SMYD3: variants seen among roughly 807,000 people sequenced by gnomAD.
The protein encoded by SMYD3 is histone-lysine N-methyltransferase SMYD3.
In SMYD3, 36 loss-of-function variants were observed where a neutral mutation model predicts 57.7. That is an observed-to-expected ratio of 0.62 (90% confidence interval 0.48 to 0.82). The LOEUF is 0.82. SMYD3 is among the 40% of genes least tolerant of loss of function. SMYD3 has a pLI of 0.00. For missense variants in SMYD3, 515 were observed against 538.8 expected, an observed-to-expected ratio of 0.96 and a Z score of 0.44; for synonymous variants, 211 against 195.0, an observed-to-expected ratio of 1.08 and a Z score of -0.68.
chr1:246,153,411 A>AGGAG (rs1234410532), intron 5 of SMYD3, among the ~76,000 whole-genome samples: 9 of 100,260 alleles, frequency 9.0e-5, no homozygotes, highest in Middle Eastern at 0.011. Context: ...GAGATAGGGA[A>AGGAG]GGAGGGAGGG....
intron 5 of SMYD3, among the ~76,000 whole-genome samples, chr1:246,270,961 C>T (rs2064208749): frequency 6.6e-6 from 1 of 152,200 alleles, no homozygotes; most frequent in South Asian, 2.1e-4. Context: ...AATTTCCCCA[C>T]ATCCTCCCCA....
At chr1:246,483,978 A>C in intron 1 of SMYD3, among the ~76,000 whole-genome samples, 1 of 150,822 alleles carries the variant, frequency 6.6e-6, no homozygotes, top group Non-Finnish European at 1.5e-5. Context: ...CTATTGTACT[A>C]GTTACACCTA....
intron 1 of SMYD3, among the ~76,000 whole-genome samples, chr1:246,399,623 G>A (rs2066735148): frequency 6.6e-6 from 1 of 152,136 alleles, no homozygotes; most frequent in Non-Finnish European, 1.5e-5. Flanking sequence ...GGGACTACAG[G>A]CGTGAGCTAC....
intron 10 of SMYD3, among the ~76,000 whole-genome samples, chr1:245,832,574 T>C (rs566725336): frequency 6.6e-6 from 1 of 152,250 alleles, no homozygotes; most frequent in Non-Finnish European, 1.5e-5. Flanking sequence ...AGCCTACATT[T>C]ATCTAGATGA....
intron 5 of SMYD3, among the ~76,000 whole-genome samples, chr1:246,234,122 C>T (rs1197696605): frequency 7.5e-6 from 1 of 133,766 alleles, no homozygotes. Context: ...GAGAAGCACT[C>T]CTTCAATCCA....
chr1:245,894,342 C>T (rs1254366493), intron 8 of SMYD3, among the ~76,000 whole-genome samples: 3 of 151,064 alleles, frequency 2.0e-5, no homozygotes, highest in East Asian at 2.0e-4. Flanking sequence ...GTAAAAGGAA[C>T]CAATCAGCAG....
chr1:246,245,898 A>G (rs2063696047), intron 5 of SMYD3, among the ~76,000 whole-genome samples: 1 of 152,228 alleles, frequency 6.6e-6, no homozygotes, highest in Non-Finnish European at 1.5e-5. Context: ...TTAATAAAAT[A>G]CAACCACAGA....
intron 5 of SMYD3, among the ~76,000 whole-genome samples, chr1:246,266,415 G>A (rs778435617): frequency 4.7e-5 from 7 of 148,458 alleles, no homozygotes; most frequent in Non-Finnish European, 7.4e-5. Context: ...TATTATTAGA[G>A]TATTAATATA....
In SMYD3 at chr1:246,063,793, C is replaced by T. The variant is rs573576253; in HGVS notation, c.532-133856G>A. On this transcript the variant is annotated intron_variant, in intron 5 of 11. Transcript: ENST00000490107. ...TAGCTGGGATTACAGGCGCATGCCA[C>T]CATGCCTGGCTAATTTTTGCATTTT... Among the ~76,000 whole-genome samples the T allele has an allele frequency of 3.3e-5, 5 of 152,144 alleles. No individual in the cohort carries two copies. The South Asian group carries it at 1.0e-3, about 32-fold the overall frequency.
intron 10 of SMYD3, among the ~76,000 whole-genome samples, chr1:245,820,573 G>A (rs1051786056): frequency 1.1e-4 from 17 of 150,424 alleles, no homozygotes; most frequent in Admixed American, 4.0e-4. Flanking sequence ...AGGAAATAAA[G>A]GGTATTCAAT....
intron 5 of SMYD3, among the ~76,000 whole-genome samples, chr1:245,998,001 C>T (rs2058966370): frequency 6.6e-6 from 1 of 152,168 alleles, no homozygotes; most frequent in Admixed American, 6.5e-5. Flanking sequence ...TGGACAATAA[C>T]ACAGTCTGTA....
At chr1:246,288,957 T>C (rs1338199363) in intron 5 of SMYD3, among the ~76,000 whole-genome samples, 1 of 151,918 alleles carries the variant, frequency 6.6e-6, no homozygotes, top group Non-Finnish European at 1.5e-5. Flanking sequence ...CTACTAAAAA[T>C]ACAAAAAATT....
intron 1 of SMYD3, among the ~76,000 whole-genome samples, chr1:246,481,607 TACACATACA>T (rs2068104788): frequency 3.2e-5 from 2 of 61,964 alleles, no homozygotes; most frequent in African/African-American, 9.8e-5. Flanking sequence ...TATATATATA[TACACATACA>T]TATATACATA....
intron 5 of SMYD3, among the ~76,000 whole-genome samples, chr1:246,065,587 C>T (rs1010221698): frequency 2.6e-5 from 4 of 152,214 alleles, no homozygotes; most frequent in African/African-American, 9.7e-5. Context: ...AACATGCAAT[C>T]CTCTTCGTTT....
At chr1:246,269,301 G>T (rs148627550) in intron 5 of SMYD3, among the ~76,000 whole-genome samples, 1 of 152,084 alleles carries the variant, frequency 6.6e-6, no homozygotes, top group Non-Finnish European at 1.5e-5. Flanking sequence ...TGAATTGAAC[G>T]GCTTCTAAGT....
intron 5 of SMYD3, among the ~76,000 whole-genome samples, chr1:245,957,167 G>A (rs2057870346): frequency 1.3e-5 from 2 of 152,106 alleles, no homozygotes; most frequent in Non-Finnish European, 2.9e-5. Context: ...GTAAAGAGAC[G>A]ACTGCCAACT....
At chr1:245,982,686 A>G (rs1407256583) in intron 5 of SMYD3, among the ~76,000 whole-genome samples, 3 of 152,252 alleles carry the variant, frequency 2.0e-5, no homozygotes, top group African/African-American at 4.8e-5. Flanking sequence ...CTACGGAAAC[A>G]TTGCATATTC....
chr1:245,837,695 G>A (rs1348485327), intron 10 of SMYD3, among the ~76,000 whole-genome samples: 1 of 152,256 alleles, frequency 6.6e-6, no homozygotes, highest in Non-Finnish European at 1.5e-5. Context: ...GTGCCGGGAG[G>A]TCTTTGGAAA....
intron 1 of SMYD3, among the ~76,000 whole-genome samples, chr1:246,386,716 A>G (rs1053605215): frequency 6.6e-6 from 1 of 152,104 alleles, no homozygotes; most frequent in Non-Finnish European, 1.5e-5. Flanking sequence ...CCCAAGAACA[A>G]CAAACTATGT....
Sources: gnomAD v4.1 joint callset for allele counts (sites outside exome capture counted in the v4.1 genomes callset) on GRCh38, gnomAD v4.1.1 for gene constraint, MANE v1.5 for transcripts, NCBI Gene and HGNC (gene_info 2026-07-23, HGNC 2026-07-21) for gene names.